Variants in CNTNAP2 observed in about 807,000 individuals in gnomAD.
The protein encoded by CNTNAP2 is contactin-associated protein-like 2.
In CNTNAP2, 98 loss-of-function variants were observed where a neutral mutation model predicts 155.2. The observed-to-expected ratio is 0.63, with a 90% CI of 0.54 to 0.75. CNTNAP2 has a LOEUF of 0.75. Ranked by LOEUF, CNTNAP2 falls within the 30% of genes least tolerant of loss-of-function variation. The probability of loss-of-function intolerance (pLI) is 0.00; values close to 1 mark genes in which losing one functional copy is unlikely to be tolerated. For synonymous variants in CNTNAP2, 651 were observed against 631.2 expected (o/e 1.03, Z -0.47); for missense variants, 1,727 against 1,688.1 (o/e 1.02, Z -0.40).
intron 8 of CNTNAP2, among the ~76,000 whole-genome samples, chr7:147,237,626 T>G (rs1328870434): frequency 6.6e-6 from 1 of 152,222 alleles, no homozygotes; most frequent in Admixed American, 6.5e-5. Context: ...GTCTATTCAC[T>G]TGTGCATTTC....
chr7:147,347,901 A>G (rs941461735), intron 9 of CNTNAP2, among the ~76,000 whole-genome samples: 8 of 152,090 alleles, frequency 5.3e-5, no homozygotes, highest in African/African-American at 9.7e-5. Context: ...CAGCTGGTTT[A>G]TGACAAACAT....
intron 2 of CNTNAP2, among the ~76,000 whole-genome samples, chr7:146,823,924 G>C (rs1803348136): frequency 1.3e-5 from 2 of 151,968 alleles, no homozygotes; most frequent in Non-Finnish European, 2.9e-5. Flanking sequence ...AGAACATGCA[G>C]GTTTATTACA....
chr7:147,969,430 T>C (rs1801291787), intron 14 of CNTNAP2, among the ~76,000 whole-genome samples: 1 of 152,254 alleles, frequency 6.6e-6, no homozygotes, highest in Non-Finnish European at 1.5e-5. Flanking sequence ...ACGTTAGTTA[T>C]GTGGCACCTA....
chr7:146,642,366 T>A (rs1239738885), intron 1 of CNTNAP2, among the ~76,000 whole-genome samples: 1 of 140,748 alleles, frequency 7.1e-6, no homozygotes, highest in Non-Finnish European at 1.5e-5. Context: ...TGTCCATGTG[T>A]TCTCATTCTT....
intron 1 of CNTNAP2, among the ~76,000 whole-genome samples, chr7:146,574,667 C>A (rs1007424003): frequency 6.6e-6 from 1 of 152,178 alleles, no homozygotes; most frequent in Non-Finnish European, 1.5e-5. Context: ...CACCACTGCA[C>A]TCCAGCCTGG....
chr7:147,756,823 A>G (rs1797219233), intron 13 of CNTNAP2, among the ~76,000 whole-genome samples: 1 of 152,032 alleles, frequency 6.6e-6, no homozygotes. Context: ...AAAGAAATAA[A>G]CCCTTCATCA....
At chr7:146,117,109 C>T (rs577211485) in intron 1 of CNTNAP2, 136 bp downstream of exon 1, 33 of 730,864 alleles carry the variant, frequency 4.5e-5, no homozygotes, top group Non-Finnish European at 7.8e-5. Context: ...CACACACTTG[C>T]AGCCACTGCA....
intron 14 of CNTNAP2, among the ~76,000 whole-genome samples, chr7:147,955,078 C>T (rs2116835051): frequency 6.6e-6 from 1 of 152,314 alleles, no homozygotes; most frequent in Non-Finnish European, 1.5e-5. Context: ...AAAAGGCTTT[C>T]CAAGTTCACT....
intron 1 of CNTNAP2, among the ~76,000 whole-genome samples, chr7:146,423,453 G>A (rs201659254): frequency 1.1e-3 from 163 of 152,280 alleles, no homozygotes; most frequent in Non-Finnish European, 1.7e-3. Flanking sequence ...AATGTCAGAA[G>A]TTTTAGAAGT....
chr7:147,016,465 A>G (rs1018241551), intron 3 of CNTNAP2, among the ~76,000 whole-genome samples: 15 of 152,066 alleles, frequency 9.9e-5, no homozygotes, highest in Non-Finnish European at 1.9e-4. Context: ...AAAACATACT[A>G]TAAAGTATAT....
intron 3 of CNTNAP2, among the ~76,000 whole-genome samples, chr7:146,970,877 A>G (rs1797777038): frequency 2.6e-5 from 4 of 152,194 alleles, no homozygotes; most frequent in African/African-American, 9.7e-5. Context: ...AATACTATGC[A>G]GCCATAAAAA....
intron 1 of CNTNAP2, among the ~76,000 whole-genome samples, chr7:146,644,146 C>A (rs1563169572): frequency 6.6e-6 from 1 of 152,090 alleles, no homozygotes; most frequent in Non-Finnish European, 1.5e-5. Flanking sequence ...AATTGAATAC[C>A]CTTTATTTCC....
chr7:146,280,164 C>G (rs1455076546), intron 1 of CNTNAP2, among the ~76,000 whole-genome samples: 1 of 152,046 alleles, frequency 6.6e-6, no homozygotes, highest in Non-Finnish European at 1.5e-5. Flanking sequence ...TTTATCAGAA[C>G]AATTCTTGTC....
intron 10 of CNTNAP2, among the ~76,000 whole-genome samples, chr7:147,457,760 A>G (rs1322562484): frequency 6.6e-6 from 1 of 152,224 alleles, no homozygotes; most frequent in Non-Finnish European, 1.5e-5. Flanking sequence ...CAATTTCAAG[A>G]AAGAAAAAAC....
chr7:146,138,875 G>A (rs1797835598), intron 1 of CNTNAP2, among the ~76,000 whole-genome samples: 1 of 148,368 alleles, frequency 6.7e-6, no homozygotes, highest in African/African-American at 2.6e-5. Context: ...ATAATTCTGA[G>A]TACTTTGGAA....
chr7:147,781,088 A>G (rs1033255021), intron 13 of CNTNAP2, among the ~76,000 whole-genome samples: 2 of 152,192 alleles, frequency 1.3e-5, no homozygotes, highest in African/African-American at 4.8e-5. Context: ...TTGGTAACTT[A>G]TTAGTTGCCT....
intron 14 of CNTNAP2, among the ~76,000 whole-genome samples, chr7:147,953,800 C>A (rs957163427): frequency 1.3e-5 from 2 of 152,130 alleles, no homozygotes; most frequent in Admixed American, 6.5e-5. Context: ...GTAGACACAT[C>A]GCTCCAACCT....
At chr7:147,902,810 G>GTA (rs1554447676) in intron 13 of CNTNAP2, among the ~76,000 whole-genome samples, 1,544 of 130,144 alleles carry the variant, frequency 0.012, 23 homozygotes, top group African/African-American at 0.041. Flanking sequence ...GTGTGTGTGT[G>GTA]TGTATGTGTG....
chr7:146,155,007 T>C (rs1584776243), intron 1 of CNTNAP2, among the ~76,000 whole-genome samples: 1 of 152,190 alleles, frequency 6.6e-6, no homozygotes, highest in Admixed American at 6.5e-5. Context: ...ATAATATTTA[T>C]TGGTTTGCAA....
Sources: allele counts gnomAD v4.1 joint callset (sites outside exome capture counted in the v4.1 genomes callset), GRCh38; gene constraint gnomAD v4.1.1; transcripts MANE v1.5; gene names NCBI Gene and HGNC (gene_info 2026-07-23, HGNC 2026-07-21).